Variants in MDGA1 observed in about 807,000 individuals in gnomAD.
MDGA1 encodes the protein MAM domain containing glycosylphosphatidylinositol anchor 1, also known as MAM domain-containing glycosylphosphatidylinositol anchor protein 1.
Under a neutral mutation model 101.5 loss-of-function variants are expected in MDGA1, and 54 were observed. The ratio of observed to expected loss-of-function variants is 0.53; its 90% CI spans 0.43 to 0.67. MDGA1 has a LOEUF of 0.67. MDGA1 is among the 30% of genes least tolerant of loss of function. MDGA1 has a pLI of 0.00. For missense variants in MDGA1, 1,083 were observed against 1,323.8 expected, an observed-to-expected ratio of 0.82 and a Z score of 2.82; for synonymous variants, 533 against 558.3, an observed-to-expected ratio of 0.95 and a Z score of 0.64.
chr6:37,666,092 A>C (rs1761743865), intron 1 of MDGA1, among the ~76,000 whole-genome samples: 1 of 152,038 alleles, frequency 6.6e-6, no homozygotes, highest in Non-Finnish European at 1.5e-5. Context: ...TCACGCCTGT[A>C]ATCCCAGCCC....
chr6:37,673,934 G>A (rs557577226), intron 1 of MDGA1, among the ~76,000 whole-genome samples: 2 of 151,980 alleles, frequency 1.3e-5, no homozygotes, highest in African/African-American at 4.8e-5. Flanking sequence ...CCTCCCTCTC[G>A]CTCCCTGTCC....
chr6:37,685,163 G>A (rs1762172813), intron 1 of MDGA1, among the ~76,000 whole-genome samples: 1 of 152,150 alleles, frequency 6.6e-6, no homozygotes, highest in South Asian at 2.1e-4. Flanking sequence ...TTAACCGGGT[G>A]TGGTGGCACA....
In MDGA1 at chr6:37,658,339, C is replaced by G; in HGVS notation, c.288G>C (p.Glu96Asp). The change falls in exon 3 of 17, where the codon GAG becomes GAC. Residue 96 changes from glutamate (E) to aspartate (D), a missense_variant. Physicochemically the swap from Glu to Asp is conservative, Grantham distance 45. Coordinates refer to ENST00000434837, the MANE Select transcript of MDGA1 (RefSeq NM_153487.4). ...TSVFNETLRIERIARTQGGRY... is the reference protein window; with the variant it reads ...TSVFNETLRIDRIARTQGGRY... ...GGCCGCCCTGCGTGCGTGCAATACG[C>G]TCGATGCGCAGCGTCTCGTTGAACA... The G allele has an allele frequency of 1.2e-6, 2 of 1,613,266 alleles. No individual in the cohort carries two copies. Among genetic ancestry groups the G allele is most frequent in the Non-Finnish European group, 1.7e-6 (2 of 1,179,752 alleles).
intron 12 of MDGA1, among the ~76,000 whole-genome samples, 167 bp downstream of exon 12, chr6:37,645,766 C>A (rs890402037): frequency 6.6e-6 from 1 of 152,174 alleles, no homozygotes; most frequent in African/African-American, 2.4e-5. Context: ...ACATCTCCAG[C>A]CCAACCCTGC....
chr6:37,688,095 T>C (rs1045412015), intron 1 of MDGA1, among the ~76,000 whole-genome samples: 5 of 152,222 alleles, frequency 3.3e-5, no homozygotes, highest in Admixed American at 2.0e-4. Context: ...ATGAACTTTG[T>C]TGAAACTAAG....
At chr6:37,689,164 C>CT (rs1414189245) in intron 1 of MDGA1, among the ~76,000 whole-genome samples, 1 of 152,158 alleles carries the variant, frequency 6.6e-6, no homozygotes. Context: ...GTCATGTCCC[C>CT]TCTCAGGCCT....
At chr6:37,670,291 A>G (rs1761840223) in intron 1 of MDGA1, among the ~76,000 whole-genome samples, 4 of 152,228 alleles carry the variant, frequency 2.6e-5, no homozygotes, top group Admixed American at 2.6e-4. Context: ...ACCACCTGCT[A>G]TGCACCCGTA....
Position 37,669,779 on chromosome 6 carries a change from C to T in MDGA1, c.68-5673G>A, listed in dbSNP as rs577118982. 6.0e-4 allele frequency among the ~76,000 whole-genome samples: 91 copies of T among 152,294 alleles called. 3 individuals carry two copies. Among genetic ancestry groups the T allele is most frequent in the African/African-American group, 2.2e-3 (91 of 41,546 alleles). Reference sequence around the variant, plus strand: ...GACACGATCCTTTCACTCAATCTGTCGAACAATAAATGCTTCTGGGCCAGG... The same window carrying T: ...GACACGATCCTTTCACTCAATCTGTTGAACAATAAATGCTTCTGGGCCAGG... On this transcript the variant is annotated intron_variant, in intron 1 of 16. Coordinates refer to ENST00000434837, the MANE Select transcript of MDGA1 (RefSeq NM_153487.4).
chr6:37,657,734 C>T (rs975563204), intron 3 of MDGA1, among the ~76,000 whole-genome samples: 2 of 152,194 alleles, frequency 1.3e-5, no homozygotes, highest in Non-Finnish European at 2.9e-5. Flanking sequence ...AAGGATTACC[C>T]GTGGAGAGCA....
intron 1 of MDGA1, among the ~76,000 whole-genome samples, chr6:37,693,001 A>G (rs11967968): frequency 0.15 from 23,030 of 152,158 alleles, 1,948 homozygotes; most frequent in African/African-American, 0.21. Flanking sequence ...GACCCCTCAC[A>G]CTGGCTAAAG....
chr6:37,650,438 G>A lies in MDGA1; in HGVS notation c.1313-33C>T, dbSNP rs752568232. On this transcript the variant is annotated intron_variant, in intron 7 of 16. Transcript: ENST00000434837. ...GGTGATGGTGATCAGCGGAGAGGTAGGAGCGGAGTTAGAGCTCCCCACTGG... is the reference window on the plus strand; with the variant it reads ...GGTGATGGTGATCAGCGGAGAGGTAAGAGCGGAGTTAGAGCTCCCCACTGG... 28 of 1,484,348 alleles carry A rather than the reference G, an allele frequency of 1.9e-5. No individual in the cohort carries two copies. The African/African-American group carries it at 3.5e-4, about 18-fold the overall frequency. 91.9% of individuals were successfully genotyped at this position (1,484,348 alleles called of 1,614,324 possible).
chr6:37,651,655 G>A (rs746465463), intron 7 of MDGA1, among the ~76,000 whole-genome samples: 23 of 152,056 alleles, frequency 1.5e-4, no homozygotes, highest in South Asian at 8.3e-4. Context: ...TCTACACACC[G>A]TACAGGCTAA....
chr6:37,697,060 C>G lies in MDGA1; in HGVS notation c.-249G>C, dbSNP rs1349172807. The stretch of plus-strand genomic sequence containing the variant: ...CCAGCCCCGGGTGCCTCGGCGCGCC[C>G]GGCACAGCAGCCAGCGCCCCGACCC... On this transcript the variant is annotated 5_prime_UTR_variant, in exon 1 of 17. Coordinates refer to ENST00000434837, the MANE Select transcript of MDGA1 (RefSeq NM_153487.4). 6 of 392,242 alleles carry G rather than the reference C, an allele frequency of 1.5e-5. No homozygotes were observed. Among genetic ancestry groups the G allele is most frequent in the Non-Finnish European group, 2.7e-5 (6 of 223,180 alleles). 24.3% of individuals were successfully genotyped at this position (392,242 alleles called of 1,614,324 possible).
Position 37,638,011 on chromosome 6 carries a change from C to CA in MDGA1, c.2776+193_2776+194insT, listed in dbSNP as rs1262868745. On this transcript the variant is annotated intron_variant, in intron 16 of 16. Transcript: ENST00000434837. The surrounding 1 kb of genome is among the most constrained non-coding windows in gnomAD (Gnocchi z 4.8). ...CATCACGAGGGTGGGGGCCAGGCTTCTCATTGTTTACACAAGTACACAGCC... is the reference window on the plus strand; with the variant it reads ...CATCACGAGGGTGGGGGCCAGGCTTCATCATTGTTTACACAAGTACACAGCC... 1.6e-6 allele frequency: 1 copy of CA among 616,318 alleles called. No individual in the cohort carries two copies. The highest frequency in any genetic ancestry group is 2.9e-5 in the Admixed American group (1 of 35,038). 38.2% of individuals were successfully genotyped at this position (616,318 alleles called of 1,614,324 possible).
At chr6:37,668,057 C>G (rs914161945) in intron 1 of MDGA1, among the ~76,000 whole-genome samples, 1 of 151,948 alleles carries the variant, frequency 6.6e-6, no homozygotes, top group African/African-American at 2.4e-5. Flanking sequence ...TCTAGACCAG[C>G]CTGGGCAACA....
chr6:37,663,666 A>T (rs568234051), intron 2 of MDGA1, among the ~76,000 whole-genome samples: 2 of 152,250 alleles, frequency 1.3e-5, no homozygotes, highest in African/African-American at 4.8e-5. Context: ...CCACAGACAC[A>T]TTAGAAAGTG....
Position 37,638,636 on chromosome 6 carries a change from G to A in MDGA1, c.2568C>T (p.Asn856=). ...GSLNLLVRSR[N]KGALDTHAWS... is the part of the protein sequence containing the mutation. ...AGGCGTGCGTGTCCAGAGCCCCTTT[G>A]TTCCGGGACCGCACCAGGAGGTTGA... The change falls in exon 15 of 17, where the codon AAC becomes AAT. Residue 856 remains asparagine (N), a synonymous_variant. Coordinates refer to ENST00000434837, the MANE Select transcript of MDGA1 (RefSeq NM_153487.4). This position sits in a 1 kb window ranked among gnomAD's most constrained non-coding sequence, Gnocchi z 4.8. 1 of 1,613,844 alleles carries A rather than the reference G, an allele frequency of 6.2e-7. No homozygotes were observed. Among genetic ancestry groups the A allele is most frequent in the Non-Finnish European group, 8.5e-7 (1 of 1,179,834 alleles).
chr6:37,678,542 C>G (rs1332883071), intron 1 of MDGA1, among the ~76,000 whole-genome samples: 1 of 152,148 alleles, frequency 6.6e-6, no homozygotes, highest in Non-Finnish European at 1.5e-5. Flanking sequence ...TTTTCAACAG[C>G]CTGCCATGCC....
intron 1 of MDGA1, among the ~76,000 whole-genome samples, chr6:37,674,350 A>G (rs115115958): frequency 0.017 from 2,539 of 152,344 alleles, 47 homozygotes; most frequent in African/African-American, 0.047. Flanking sequence ...ATGCAAAAAC[A>G]AGGTCTGCTT....
Sources: allele counts gnomAD v4.1 joint callset (sites outside exome capture counted in the v4.1 genomes callset), GRCh38; gene constraint gnomAD v4.1.1; non-coding constraint Gnocchi (gnomAD v3.1); transcripts MANE v1.5; gene names NCBI Gene and HGNC (gene_info 2026-07-23, HGNC 2026-07-21).